SIAH1: variants seen among roughly 807,000 people sequenced by gnomAD.
The protein encoded by SIAH1 is siah E3 ubiquitin protein ligase 1, also known as E3 ubiquitin-protein ligase SIAH1.
In SIAH1, 2 loss-of-function variants were observed where a neutral mutation model predicts 20.0. That is an observed-to-expected ratio of 0.10 (90% CI 0.04 to 0.31). The LOEUF (loss-of-function observed/expected upper bound fraction) is 0.31. Among genes scored for constraint, SIAH1 ranks in the 10% least tolerant of loss-of-function variants. The pLI is 1.00. For missense variants in SIAH1, 119 were observed against 355.3 expected, an observed-to-expected ratio of 0.33 and a Z score of 5.35; for synonymous variants, 118 against 125.3, an observed-to-expected ratio of 0.94 and a Z score of 0.39.
At chr16:48,383,556 C>T (rs572567394) in intron 1 of SIAH1, among the ~76,000 whole-genome samples, 59 of 152,328 alleles carry the variant, frequency 3.9e-4, no homozygotes, top group Middle Eastern at 3.4e-3. Flanking sequence ...TATTCACTGT[C>T]CCACTTTTCT....
At chr16:48,368,425 G>T (rs1007062053) in intron 1 of SIAH1, among the ~76,000 whole-genome samples, 3 of 152,252 alleles carry the variant, frequency 2.0e-5, no homozygotes, top group Non-Finnish European at 4.4e-5. Flanking sequence ...GCTGGGCGTG[G>T]TGGCTCACGC....
intron 1 of SIAH1, among the ~76,000 whole-genome samples, chr16:48,384,939 C>T (rs1432287945): frequency 1.4e-5 from 2 of 145,470 alleles, no homozygotes; most frequent in Non-Finnish European, 3.1e-5. Context: ...CCGCGCGGGG[C>T]CGACCCCCGC....
chr16:48,383,624 G>A (rs56872747), intron 1 of SIAH1, among the ~76,000 whole-genome samples: 1 of 152,154 alleles, frequency 6.6e-6, no homozygotes, highest in Non-Finnish European at 1.5e-5. Flanking sequence ...AACTAGCTAA[G>A]AGAAGACCTC....
At position 48,362,489 on chromosome 16, in the gene SIAH1, A is replaced by G. The variant is rs778045073; in HGVS notation, c.-2-59T>C. ...TAATTATAACCATGACTTACTTTAT[A>G]AATAATGTTTACATGCCATAAGTCC... On this transcript the variant is annotated intron_variant, in intron 1 of 1. Transcript: ENST00000394725. This position sits in a 1 kb window ranked among gnomAD's most constrained non-coding sequence, Gnocchi z 4.2. 9.6e-6 allele frequency: 15 copies of G among 1,560,684 alleles called. No individual in the cohort carries two copies. The Admixed American group carries it at 2.4e-4, about 25-fold the overall frequency.
intron 1 of SIAH1, among the ~76,000 whole-genome samples, chr16:48,375,307 G>C (rs757775583): frequency 3.3e-5 from 5 of 152,174 alleles, no homozygotes; most frequent in Admixed American, 2.6e-4. Context: ...TCATACATCA[G>C]ACTTACTAAC....
chr16:48,365,987 G>C, intron 1 of SIAH1: 1 of 989,016 alleles, frequency 1.0e-6, no homozygotes, highest in South Asian at 5.1e-5. Flanking sequence ...CCAGTTCAGG[G>C]CGCGCGGCGC....
rs1185167375 is a variant in SIAH1 at position 48,385,372 on chromosome 16, TC to T, written c.-172del. Reference sequence around the variant, plus strand: ...CGCGCCCCGCAACGGCCGCCCCGGCTCCCCCCTGGCCGCCGCCGCCGCCGCC... The same window carrying T: ...CGCGCCCCGCAACGGCCGCCCCGGCTCCCCCTGGCCGCCGCCGCCGCCGCC... On this transcript the variant is annotated 5_prime_UTR_variant, in exon 1 of 2. Coordinates refer to ENST00000394725, the MANE Select transcript of SIAH1 (RefSeq NM_003031.4). 3 of 149,310 alleles carry T rather than the reference TC, an allele frequency of 2.0e-5. No individual in the cohort carries two copies. Among genetic ancestry groups the T allele is most frequent in the Non-Finnish European group, 2.8e-5 (2 of 71,254 alleles). The allele number at this position is 149,310 out of a possible 1,614,324, so 9.2% of individuals were successfully genotyped here.
At chr16:48,371,114 CA>C (rs11342599) in intron 1 of SIAH1, among the ~76,000 whole-genome samples, 85,927 of 111,330 alleles carry the variant, frequency 0.77, 32,364 homozygotes, top group Non-Finnish European at 0.8. Flanking sequence ...AATTCCATCT[CA>C]AAAAAAAAAA....
At chr16:48,377,088 A>G (rs1017911936) in intron 1 of SIAH1, among the ~76,000 whole-genome samples, 11 of 152,320 alleles carry the variant, frequency 7.2e-5, no homozygotes, top group African/African-American at 2.4e-4. Context: ...GTACGCTGAA[A>G]TATTTTCTAC....
intron 1 of SIAH1, among the ~76,000 whole-genome samples, chr16:48,381,425 AACTCATGGCC>A (rs1961289432): frequency 6.6e-6 from 1 of 152,192 alleles, no homozygotes; most frequent in Non-Finnish European, 1.5e-5. Flanking sequence ...AGGAGTTACA[AACTCATGGCC>A]ACACAAAAAC....
intron 1 of SIAH1, among the ~76,000 whole-genome samples, chr16:48,366,241 A>T (rs1161455711): frequency 6.6e-6 from 1 of 152,222 alleles, no homozygotes; most frequent in Non-Finnish European, 1.5e-5. Flanking sequence ...TAAGAGCTAC[A>T]GCGTATCTGG....
chr16:48,382,946 A>C (rs1961336702), intron 1 of SIAH1, among the ~76,000 whole-genome samples: 1 of 152,254 alleles, frequency 6.6e-6, no homozygotes, highest in Non-Finnish European at 1.5e-5. Flanking sequence ...CATTACTGAC[A>C]TAGCTAGATA....
chr16:48,368,909 C>T (rs895285822), intron 1 of SIAH1, among the ~76,000 whole-genome samples: 1 of 152,204 alleles, frequency 6.6e-6, no homozygotes, highest in Non-Finnish European at 1.5e-5. Context: ...ATTCAAAACA[C>T]TTAAGGCTTT....
intron 1 of SIAH1, chr16:48,365,510 A>C (rs1023068797): frequency 6.9e-6 from 11 of 1,605,300 alleles, no homozygotes; most frequent in African/African-American, 1.3e-5. Flanking sequence ...GTTTCCCCCA[A>C]GAAGTAAAGG....
upstream of SIAH1, among the ~76,000 whole-genome samples, chr16:48,386,060 A>G (rs1165061516): frequency 6.6e-6 from 1 of 152,192 alleles, no homozygotes; most frequent in African/African-American, 2.4e-5. Context: ...GTCCATGCTC[A>G]TCTGGAAAGT....
At chr16:48,368,600 A>T (rs982622053) in intron 1 of SIAH1, among the ~76,000 whole-genome samples, 2 of 152,190 alleles carry the variant, frequency 1.3e-5, no homozygotes, top group African/African-American at 4.8e-5. Flanking sequence ...TGGGAGGCTG[A>T]GGCAGAAGAA....
At chr16:48,381,211 G>A (rs1961281212) in intron 1 of SIAH1, among the ~76,000 whole-genome samples, 1 of 152,116 alleles carries the variant, frequency 6.6e-6, no homozygotes, top group Non-Finnish European at 1.5e-5. Flanking sequence ...TGGGCGTCAT[G>A]GCAGGCGCCT....
At chr16:48,369,273 A>G (rs565649617) in intron 1 of SIAH1, among the ~76,000 whole-genome samples, 2 of 152,360 alleles carry the variant, frequency 1.3e-5, no homozygotes, top group South Asian at 2.1e-4. Flanking sequence ...CAGCTACAGA[A>G]GAAGTTACAC....
upstream of SIAH1, among the ~76,000 whole-genome samples, chr16:48,385,730 G>C (rs1961447011): frequency 6.6e-6 from 1 of 152,028 alleles, no homozygotes; most frequent in Non-Finnish European, 1.5e-5. Context: ...GCGGCGCTTT[G>C]TTCCGGGGCC....
Sources: allele counts gnomAD v4.1 joint callset (sites outside exome capture counted in the v4.1 genomes callset), GRCh38; gene constraint gnomAD v4.1.1; non-coding constraint Gnocchi (gnomAD v3.1); transcripts MANE v1.5; gene names NCBI Gene and HGNC (gene_info 2026-07-23, HGNC 2026-07-21).